Variants in COL11A2 observed in about 807,000 individuals in gnomAD.
COL11A2 encodes collagen alpha-2(XI) chain.
COL11A2 carries 116 observed loss-of-function variants against 273.4 expected under a neutral mutation model. That is an observed-to-expected ratio of 0.42 (90% CI 0.36 to 0.49). The LOEUF (loss-of-function observed/expected upper bound fraction) is 0.49, where lower values mean the gene tolerates loss of function less well. Among genes scored for constraint, COL11A2 ranks in the 20% least tolerant of loss-of-function variants. The pLI is 0.00. For missense variants in COL11A2, 1,866 were observed against 2,309.0 expected, an observed-to-expected ratio of 0.81 and a Z score of 3.93; for synonymous variants, 782 against 864.2, an observed-to-expected ratio of 0.90 and a Z score of 1.67.
chr6:33,166,372 G>T lies in COL11A2; in HGVS notation c.4392+141C>A. The T allele has an allele frequency of 8.1e-7, 1 of 1,234,988 alleles. No homozygotes were observed. The highest frequency in any genetic ancestry group is 1.1e-6 in the Non-Finnish European group (1 of 878,792). The allele number at this position is 1,234,988 out of a possible 1,614,324, so 76.5% of individuals were successfully genotyped here. A position where few individuals can be genotyped will look rare whatever the true frequency, so the allele number is the denominator to read the frequency against. On this transcript the variant is annotated intron_variant, in intron 60 of 65. Coordinates refer to ENST00000341947, the MANE Select transcript of COL11A2 (RefSeq NM_080680.3). This position sits in a 1 kb window ranked among gnomAD's most constrained non-coding sequence, Gnocchi z 4.8. ...AGAGCCCTGGAAGTATGGGGAGGAGGTACTGGTGGTGACAGGACAAATGGG... is the reference window on the plus strand; with the variant it reads ...AGAGCCCTGGAAGTATGGGGAGGAGTTACTGGTGGTGACAGGACAAATGGG...
intron 6 of COL11A2, 121 bp from the exon 7 acceptor site, chr6:33,185,175 G>A (rs1772235183): frequency 4.0e-6 from 3 of 756,154 alleles, no homozygotes; most frequent in African/African-American, 1.7e-5. Context: ...GCTGGGGGAT[G>A]GGGGAAATCT....
In COL11A2 at chr6:33,168,680, G is replaced by A. The variant is rs774700089; in HGVS notation, c.3906+26C>T. 5.0e-6 allele frequency: 8 copies of A among 1,589,704 alleles called. No homozygotes were observed. The South Asian group carries it at 5.7e-5, about 11-fold the overall frequency. ...AAGAGGATGAGGCTTGGGCTCAGGGGGGTGGTGGGGTCACCAGGCACTCAC... is the reference window on the plus strand; with the variant it reads ...AAGAGGATGAGGCTTGGGCTCAGGGAGGTGGTGGGGTCACCAGGCACTCAC... On this transcript the variant is annotated intron_variant, in intron 53 of 65. Transcript: ENST00000341947.
chr6:33,167,281 C>T lies in COL11A2; in HGVS notation c.4159G>A (p.Gly1387Arg), dbSNP rs1769290558. Residue 1387 changes from glycine (G) to arginine (R), a missense_variant, in exon 57 of 66, where the codon GGG (glycine) becomes AGG (arginine). Gly to Arg is a moderately radical substitution (Grantham distance 125). Coordinates refer to ENST00000341947, the MANE Select transcript of COL11A2 (RefSeq NM_080680.3). This position sits in a 1 kb window ranked among gnomAD's most constrained non-coding sequence, Gnocchi z 6.1. ...QGRPGATGQA[G>R]PPGPVGPPGL... is the part of the protein sequence containing the mutation. ...TCACTCACCACAGGACCTGGGGGCC[C>T]AGCCTGGCCTGTAGCTCCAGGTCGG... 6.2e-7 allele frequency: 1 copy of T among 1,614,024 alleles called. No individual in the cohort carries two copies. Among genetic ancestry groups the T allele is most frequent in the Non-Finnish European group, 8.5e-7 (1 of 1,180,016 alleles).
chr6:33,183,772 A>C (rs182458043), intron 8 of COL11A2, among the ~76,000 whole-genome samples: 1 of 152,250 alleles, frequency 6.6e-6, no homozygotes, highest in African/African-American at 2.4e-5. Context: ...TATTTCACCA[A>C]GAAGAAATGA....
rs1218307576 is a variant in COL11A2 at position 33,186,828 on chromosome 6, C to T, written c.607-10G>A. On this transcript the variant is annotated splice_polypyrimidine_tract_variant and intron_variant, in intron 4 of 65. Transcript: ENST00000341947. ...GCTCCTGGACATCACCCTGCAAAGACATGAGAGAGATGGAGCGGAGAGATT... is the reference window on the plus strand; with the variant it reads ...GCTCCTGGACATCACCCTGCAAAGATATGAGAGAGATGGAGCGGAGAGATT... The T allele has an allele frequency of 6.2e-7, 1 of 1,613,832 alleles. No homozygotes were observed. Among genetic ancestry groups the T allele is most frequent in the African/African-American group, 1.3e-5 (1 of 74,902 alleles).
chr6:33,173,387 C>T lies in COL11A2; in HGVS notation c.2697G>A (p.Lys899=). ...GPKGPPGPPG[K]DGLPGHPGQR... ...GGCCTGGGTGTCCCGGCAGCCCATC[C>T]TTCCCAGGGGGGCCCTGGAAGGGGT... Residue 899 remains lysine (K), a synonymous_variant, in exon 37 of 66, where the codon AAG becomes AAA. Coordinates refer to ENST00000341947, the MANE Select transcript of COL11A2 (RefSeq NM_080680.3). The surrounding 1 kb of genome is among the most constrained non-coding windows in gnomAD (Gnocchi z 6.3). The T allele has an allele frequency of 6.2e-7, 1 of 1,612,718 alleles. No homozygotes were observed. The highest frequency in any genetic ancestry group is 1.1e-5 in the South Asian group (1 of 91,042).
chr6:33,184,368 G>T, intron 7 of COL11A2, 44 bp from the exon 8 acceptor site: 3 of 1,314,606 alleles, frequency 2.3e-6, no homozygotes, highest in Non-Finnish European at 3.1e-6. Context: ...GGGATGTTAG[G>T]GCTGAGAGGA....
chr6:33,185,766 G>GCCC lies in COL11A2; in HGVS notation c.810_811insGGG (p.Ser270_Leu271insGly), dbSNP rs1369462916. The GCCC allele has an allele frequency of 7.4e-7, 1 of 1,343,306 alleles. No individual in the cohort carries two copies. The highest frequency in any genetic ancestry group is 1.5e-5 in the African/African-American group (1 of 66,566). The allele number at this position is 1,343,306 out of a possible 1,614,324, so 83.2% of individuals were successfully genotyped here. A position where few individuals can be genotyped will look rare whatever the true frequency, so the allele number is the denominator to read the frequency against. ...TAGGGGGGCTCGTAGTCATAGTAGA[G>GCCC]AGACTCAGTGGGCTGGGATTGGGGG... On this transcript the variant is annotated inframe_insertion, in exon 6 of 66. Transcript: ENST00000341947.
Position 33,178,093 on chromosome 6 carries a change from A to G in COL11A2, c.1872+39T>C. ...GAAAGGTGGAGAGTTGGAGAGGTCA[A>G]GGGGTCACCTCAGGGTCAGAAGTCA... is the stretch of plus-strand genomic sequence containing the variant. On this transcript the variant is annotated intron_variant, in intron 21 of 65. Coordinates refer to ENST00000341947, the MANE Select transcript of COL11A2 (RefSeq NM_080680.3). This position sits in a 1 kb window ranked among gnomAD's most constrained non-coding sequence, Gnocchi z 4.6. 6.3e-7 allele frequency: 1 copy of G among 1,592,222 alleles called. No homozygotes were observed. Among genetic ancestry groups the G allele is most frequent in the Non-Finnish European group, 8.6e-7 (1 of 1,165,702 alleles).
In COL11A2 at chr6:33,190,008, T is replaced by G. The variant is rs540017823; in HGVS notation, c.83-539A>C. ...ACAACATCTGGGCAATCGATCATCC[T>G]GGACACAGGAGGTGCAGGGGGGCCA... is the stretch of plus-strand genomic sequence containing the variant. On this transcript the variant is annotated intron_variant, in intron 1 of 65. Coordinates refer to ENST00000341947, the MANE Select transcript of COL11A2 (RefSeq NM_080680.3). This position sits in a 1 kb window ranked among gnomAD's most constrained non-coding sequence, Gnocchi z 4.5. Among the ~76,000 whole-genome samples, 1 of 152,288 alleles carries G rather than the reference T, an allele frequency of 6.6e-6. No individual in the cohort carries two copies. Among genetic ancestry groups the G allele is most frequent in the East Asian group, 1.9e-4 (1 of 5,182 alleles).
In COL11A2 at chr6:33,177,578, AG is replaced by A; in HGVS notation, c.1917+83del. Reference sequence around the variant, plus strand: ...AAGAAGGCAAGAGCAGGAAGCAGGCAGGGGTCAAAATGGCGGCCAACAGGAT... The same window carrying A: ...AAGAAGGCAAGAGCAGGAAGCAGGCAGGGTCAAAATGGCGGCCAACAGGAT... On this transcript the variant is annotated intron_variant, in intron 22 of 65. Transcript: ENST00000341947. This position sits in a 1 kb window ranked among gnomAD's most constrained non-coding sequence, Gnocchi z 5.9. 5.7e-6 allele frequency: 9 copies of A among 1,590,150 alleles called. No individual in the cohort carries two copies. In the Middle Eastern group the frequency reaches 5.0e-4, roughly 88 times the overall value.
Position 33,170,362 on chromosome 6 carries a change from TG to T in COL11A2, c.3545del (p.Pro1182GlnfsTer163), listed in dbSNP as rs766211536. 6.2e-7 allele frequency: 1 copy of T among 1,613,706 alleles called. No homozygotes were observed. ...DVGPMGPPGP[P>X]GPRGPAGPNG... Reference sequence around the variant, plus strand: ...TGGGTCCAGCTGGACCTCGAGGTCCTGGGGGGCCAGGTGGTCCCTGGGGGAA... The same window carrying T: ...TGGGTCCAGCTGGACCTCGAGGTCCTGGGGGCCAGGTGGTCCCTGGGGGAA... On this transcript the variant is annotated frameshift_variant, in exon 48 of 66. Coordinates refer to ENST00000341947, the MANE Select transcript of COL11A2 (RefSeq NM_080680.3). LOFTEE classifies it high-confidence loss of function. The surrounding 1 kb of genome is among the most constrained non-coding windows in gnomAD (Gnocchi z 4.3).
chr6:33,163,829 A>T lies in COL11A2; in HGVS notation c.5071-11T>A. On this transcript the variant is annotated splice_polypyrimidine_tract_variant and intron_variant, in intron 65 of 65. Coordinates refer to ENST00000341947, the MANE Select transcript of COL11A2 (RefSeq NM_080680.3). The surrounding 1 kb of genome is among the most constrained non-coding windows in gnomAD (Gnocchi z 4.1). ...CCGGCCTTGCTGTGTCTTCAGGGGG[A>T]GACAAGGAAGAAAGTGTGAGCAGGA... 1 of 1,612,760 alleles carries T rather than the reference A, an allele frequency of 6.2e-7. No homozygotes were observed. Among genetic ancestry groups the T allele is most frequent in the Non-Finnish European group, 8.5e-7 (1 of 1,179,900 alleles).
At position 33,176,212 on chromosome 6, in the gene COL11A2, G is replaced by A; in HGVS notation, c.2214+47C>T. 6.2e-7 allele frequency: 1 copy of A among 1,608,584 alleles called. No homozygotes were observed. The highest frequency in any genetic ancestry group is 8.5e-7 in the Non-Finnish European group (1 of 1,177,138). ...GCTGGAGGGAAGGCAGTGAAGAGAGGAGATGGCAGGACTGAGGTGCTGGGA... is the reference window on the plus strand; with the variant it reads ...GCTGGAGGGAAGGCAGTGAAGAGAGAAGATGGCAGGACTGAGGTGCTGGGA... On this transcript the variant is annotated intron_variant, in intron 28 of 65. Coordinates refer to ENST00000341947, the MANE Select transcript of COL11A2 (RefSeq NM_080680.3). The surrounding 1 kb of genome is among the most constrained non-coding windows in gnomAD (Gnocchi z 4.9).
chr6:33,166,596 G>C lies in COL11A2; in HGVS notation c.4339-30C>G. ...GAAGGGTAGTGGCTGGTTCAACTGG[G>C]TCCTCCTCCCACACCCTCCTGAGCA... is the stretch of plus-strand genomic sequence containing the variant. On this transcript the variant is annotated intron_variant, in intron 59 of 65. Transcript: ENST00000341947. The surrounding 1 kb of genome is among the most constrained non-coding windows in gnomAD (Gnocchi z 4.8). The C allele has an allele frequency of 6.2e-7, 1 of 1,613,364 alleles. No homozygotes were observed. Among genetic ancestry groups the C allele is most frequent in the South Asian group, 1.1e-5 (1 of 91,050 alleles).
chr6:33,165,552 C>A lies in COL11A2; in HGVS notation c.4747G>T (p.Asp1583Tyr), dbSNP rs753728183. 3 of 1,612,684 alleles carry A rather than the reference C, an allele frequency of 1.9e-6. No homozygotes were observed. The Admixed American group carries it at 5.0e-5, about 27-fold the overall frequency. Residue 1583 changes from aspartate (D) to tyrosine (Y), a missense_variant, in exon 63 of 66, where the codon GAT becomes TAT. Coordinates refer to ENST00000341947, the MANE Select transcript of COL11A2 (RefSeq NM_080680.3). The surrounding 1 kb of genome is among the most constrained non-coding windows in gnomAD (Gnocchi z 7.7). ...DLKLCHPELP[D>Y]GEYWVDPNQG... Reference sequence around the variant, plus strand: ...GCACCCTGAGGCTAGCACTGACCATCGGGAAGCTCTGGGTGGCACAGCTTC... The same window carrying A: ...GCACCCTGAGGCTAGCACTGACCATAGGGAAGCTCTGGGTGGCACAGCTTC...
In COL11A2 at chr6:33,184,217, G is replaced by C; in HGVS notation, c.1047C>G (p.Gly349=). The part of the protein sequence containing the change: ...PPEGPYDYTY[G]YGDDYREETE... ...TCTCCTCACGATAATCATCCCCATA[G>C]CCATAGGTGTAATCGTAGGGCCCTT... The change falls in exon 8 of 66, where the codon GGC becomes GGG. Residue 349 remains glycine, a synonymous_variant. Coordinates refer to ENST00000341947, the MANE Select transcript of COL11A2 (RefSeq NM_080680.3). 7.3e-7 allele frequency: 1 copy of C among 1,367,600 alleles called. No individual in the cohort carries two copies. Among genetic ancestry groups the C allele is most frequent in the Non-Finnish European group, 9.8e-7 (1 of 1,021,968 alleles). 84.7% of individuals were successfully genotyped at this position (1,367,600 alleles called of 1,614,324 possible).
At position 33,163,808 on chromosome 6, in the gene COL11A2, C is replaced by G. The variant is rs770371450; in HGVS notation, c.5081G>C (p.Gly1694Ala). The G allele has an allele frequency of 6.2e-7, 1 of 1,613,012 alleles. No homozygotes were observed. Among genetic ancestry groups the G allele is most frequent in the Non-Finnish European group, 8.5e-7 (1 of 1,179,984 alleles). ...EFRDGCQTQQ[G>A]RTVLEVRTPV... ...CGTTCGCACCTCCAGCACCGTCCGG[C>G]CTTGCTGTGTCTTCAGGGGGAGACA... The change falls in exon 66 of 66, where the codon GGC becomes GCC. Residue 1694 changes from glycine (G) to alanine (A), a missense_variant. Transcript: ENST00000341947. This position sits in a 1 kb window ranked among gnomAD's most constrained non-coding sequence, Gnocchi z 4.1.
In COL11A2 at chr6:33,189,118, C is replaced by A. The variant is rs1772778522; in HGVS notation, c.303G>T (p.Leu101=). Residue 101 remains leucine, a synonymous_variant, in exon 3 of 66, where the codon CTG becomes CTT. Coordinates refer to ENST00000341947, the MANE Select transcript of COL11A2 (RefSeq NM_080680.3). The surrounding 1 kb of genome is among the most constrained non-coding windows in gnomAD (Gnocchi z 5.6). The part of the protein sequence containing the change: ...RTRPGLQAPL[L]TLYSAQGVRQ... ...GGACACCCTGGGCACTGTAGAGAGT[C>A]AGGAGGGGAGCTTGGAGACCAGGGC... The A allele has an allele frequency of 1.9e-6, 3 of 1,614,114 alleles. No individual in the cohort carries two copies. Among genetic ancestry groups the A allele is most frequent in the East Asian group, 4.5e-5 (2 of 44,888 alleles).
Sources: allele counts gnomAD v4.1 joint callset (sites outside exome capture counted in the v4.1 genomes callset), GRCh38; gene constraint gnomAD v4.1.1; non-coding constraint Gnocchi (gnomAD v3.1); transcripts MANE v1.5; gene names NCBI Gene and HGNC (gene_info 2026-07-23, HGNC 2026-07-21).